ADCK1: variants seen among roughly 807,000 people sequenced by gnomAD.
The protein encoded by ADCK1 is aarF domain-containing protein kinase 1.
In ADCK1, 41 loss-of-function variants were observed where a neutral mutation model predicts 52.3. The ratio of observed to expected loss-of-function variants is 0.78; its 90% CI spans 0.61 to 1.02. ADCK1 has a LOEUF of 1.02. ADCK1 is among the 50% of genes least tolerant of loss of function. The pLI, the probability that ADCK1 is intolerant of heterozygous loss-of-function variation, is 0.00. For missense variants in ADCK1, 658 were observed against 679.5 expected, an observed-to-expected ratio of 0.97 and a Z score of 0.35; for synonymous variants, 250 against 274.6, an observed-to-expected ratio of 0.91 and a Z score of 0.89.
intron 1 of ADCK1, among the ~76,000 whole-genome samples, chr14:77,800,924 T>C (rs1278480591): frequency 6.6e-6 from 1 of 152,226 alleles, no homozygotes; most frequent in Non-Finnish European, 1.5e-5. Context: ...TGGCTTCATA[T>C]GTTTTATTTA....
At chr14:77,921,043 T>C (rs918649846) in intron 7 of ADCK1, among the ~76,000 whole-genome samples, 3 of 151,180 alleles carry the variant, frequency 2.0e-5, no homozygotes, top group East Asian at 4.0e-4. Flanking sequence ...TTAAAAATGA[T>C]AGGCCAGGCG....
At chr14:77,822,200 A>G (rs2081597254) in intron 2 of ADCK1, among the ~76,000 whole-genome samples, 1 of 152,204 alleles carries the variant, frequency 6.6e-6, no homozygotes, top group Admixed American at 6.5e-5. Context: ...TGAATGTTTC[A>G]GGTAAGAGGG....
At chr14:77,866,927 G>T (rs777271586) in intron 4 of ADCK1, among the ~76,000 whole-genome samples, 3 of 152,166 alleles carry the variant, frequency 2.0e-5, no homozygotes, top group Non-Finnish European at 4.4e-5. Flanking sequence ...TGCAGCCCCC[G>T]CAGGGGAGAG....
intron 6 of ADCK1, 57 bp downstream of exon 6, chr14:77,899,315 T>G: frequency 3.8e-6 from 6 of 1,591,074 alleles, no homozygotes; most frequent in Non-Finnish European, 5.2e-6. Flanking sequence ...TGTAGCGGTA[T>G]GTGGGTCCCT....
chr14:77,911,789 G>A (rs1014626784), intron 7 of ADCK1, among the ~76,000 whole-genome samples: 1 of 151,234 alleles, frequency 6.6e-6, no homozygotes, highest in Non-Finnish European at 1.5e-5. Context: ...TGTGTACCAG[G>A]AGCTTTCTGC....
intron 6 of ADCK1, among the ~76,000 whole-genome samples, chr14:77,906,504 G>A (rs2083669007): frequency 6.6e-6 from 1 of 152,138 alleles, no homozygotes. Context: ...GGGTTGGAGA[G>A]TGTATGTTAG....
intron 4 of ADCK1, among the ~76,000 whole-genome samples, chr14:77,872,615 C>T (rs1402672698): frequency 2.0e-5 from 3 of 151,716 alleles, no homozygotes; most frequent in African/African-American, 4.8e-5. Context: ...CTTGCTCTCC[C>T]GCCTGCTTCC....
At chr14:77,816,881 A>AAAATATATAT (rs150077207) in intron 1 of ADCK1, among the ~76,000 whole-genome samples, 1 of 110,026 alleles carries the variant, frequency 9.1e-6, no homozygotes, top group African/African-American at 2.9e-5. Context: ...GTAGATGGTA[A>AAAATATATAT]ATATATATAT....
At chr14:77,841,688 A>G (rs2082069987) in intron 3 of ADCK1, among the ~76,000 whole-genome samples, 1 of 136,180 alleles carries the variant, frequency 7.3e-6, no homozygotes, top group South Asian at 2.4e-4. Flanking sequence ...AAAAAAAAAA[A>G]AAAAAAAATT....
Position 77,859,154 on chromosome 14 carries a change from C to T in ADCK1, c.298C>T (p.Leu100=), listed in dbSNP as rs762711232. The T allele has an allele frequency of 3.7e-6, 6 of 1,613,812 alleles. No homozygotes were observed. In the South Asian group the frequency reaches 4.4e-5, roughly 12 times the overall value. ...RGTFIKVGQH[L]GALDYLLPEE... Reference sequence around the variant, plus strand: ...CACCTTCATCAAGGTGGGCCAGCACCTGGGGGCTCTGGACTACCTGTTGCC... The same window carrying T: ...CACCTTCATCAAGGTGGGCCAGCACTTGGGGGCTCTGGACTACCTGTTGCC... The change falls in exon 4 of 11, where the codon CTG becomes TTG. Residue 100 remains leucine (L), a synonymous_variant. Coordinates refer to ENST00000238561, the MANE Select transcript of ADCK1 (RefSeq NM_020421.4).
At chr14:77,834,336 A>G (rs750942180) in intron 3 of ADCK1, among the ~76,000 whole-genome samples, 1 of 152,146 alleles carries the variant, frequency 6.6e-6, no homozygotes, top group Non-Finnish European at 1.5e-5. Flanking sequence ...TTTGCATACC[A>G]TCACTGCTGC....
At chr14:77,816,369 C>T (rs1426864768) in intron 1 of ADCK1, among the ~76,000 whole-genome samples, 3 of 152,108 alleles carry the variant, frequency 2.0e-5, no homozygotes, top group Non-Finnish European at 4.4e-5. Flanking sequence ...AATCTCTTTC[C>T]TGCCCTCCTC....
chr14:77,907,218 T>A (rs1214331700), intron 6 of ADCK1, among the ~76,000 whole-genome samples: 3 of 152,122 alleles, frequency 2.0e-5, no homozygotes, highest in Non-Finnish European at 4.4e-5. Context: ...CTGGCCCCAG[T>A]ATTTAGTTTT....
rs1039523646 is a variant in ADCK1 at position 77,923,518 on chromosome 14, G to A, written c.859-939G>A. ...CCAATCCTGTGTTCCCCACCCGTGG[G>A]CCCCAGCTCCTCTCCCCTCTGACCA... is the stretch of plus-strand genomic sequence containing the variant. On this transcript the variant is annotated intron_variant, in intron 7 of 10. Coordinates refer to ENST00000238561, the MANE Select transcript of ADCK1 (RefSeq NM_020421.4). This position sits in a 1 kb window ranked among gnomAD's most constrained non-coding sequence, Gnocchi z 4.3. The A allele has an allele frequency of 6.6e-6, 1 of 152,260 alleles. No individual in the cohort carries two copies. The allele number at this position is 152,260 out of a possible 1,614,324, so 9.4% of individuals were successfully genotyped here. A position where few individuals can be genotyped will look rare whatever the true frequency, so the allele number is the denominator to read the frequency against.
At chr14:77,830,139 A>G (rs1247295990) in intron 3 of ADCK1, among the ~76,000 whole-genome samples, 1 of 150,320 alleles carries the variant, frequency 6.7e-6, no homozygotes, top group Non-Finnish European at 1.5e-5. Context: ...GCATCATTAA[A>G]TTTTCTTTTT....
At chr14:77,900,412 C>T in intron 6 of ADCK1, 3 of 311,778 alleles carry the variant, frequency 9.6e-6, no homozygotes, top group South Asian at 7.8e-5. Context: ...CATGGTGAAA[C>T]CCTGTCTCTA....
chr14:77,912,859 C>G (rs552288740), intron 7 of ADCK1, among the ~76,000 whole-genome samples: 1 of 152,140 alleles, frequency 6.6e-6, no homozygotes, highest in South Asian at 2.1e-4. Flanking sequence ...CCCACTCGGC[C>G]CAATAGACTT....
Position 77,933,546 on chromosome 14 carries a change from C to T in ADCK1, c.*155C>T, listed in dbSNP as rs1005928278. ...CCTTCTCCTCCTTTGGAATCCTCTC[C>T]GCACACTGTGGCCCTTGTCTCAGGG... is the stretch of plus-strand genomic sequence containing the variant. On this transcript the variant is annotated 3_prime_UTR_variant, in exon 11 of 11. Transcript: ENST00000238561. 3.7e-5 allele frequency: 32 copies of T among 874,812 alleles called. No homozygotes were observed. Among genetic ancestry groups the T allele is most frequent in the Admixed American group, 9.3e-5 (4 of 43,002 alleles). The allele number at this position is 874,812 out of a possible 1,614,324, so 54.2% of individuals were successfully genotyped here.
Position 77,907,907 on chromosome 14 carries a change from C to G in ADCK1, c.846C>G (p.Ile282Met), listed in dbSNP as rs749467779. 3 of 1,613,698 alleles carry G rather than the reference C, an allele frequency of 1.9e-6. No homozygotes were observed. The Admixed American group carries it at 5.0e-5, about 27-fold the overall frequency. The change falls in exon 7 of 11, where the codon ATC becomes ATG. Residue 282 changes from isoleucine to methionine, a missense_variant. Physicochemically the swap from Ile to Met is conservative, Grantham distance 10. Transcript: ENST00000238561. ...GAGACTACATGGAGAGGAACAAGAT[C>G]GACGTCAATGAGGTGAGGTCAAGAG... ...NDRDYMERNK[I>M]DVNEISRHLG...
Sources: gnomAD v4.1 joint callset for allele counts (sites outside exome capture counted in the v4.1 genomes callset) on GRCh38, gnomAD v4.1.1 for gene constraint, Gnocchi (gnomAD v3.1) non-coding constraint, MANE v1.5 for transcripts, NCBI Gene and HGNC (gene_info 2026-07-23, HGNC 2026-07-21) for gene names.